The following NQO1 variants were observed in gnomAD, a reference collection of about 807,000 sequenced individuals.
The protein encoded by NQO1 is NAD(P)H quinone dehydrogenase 1.
NQO1 carries 30 observed loss-of-function variants against 32.1 expected under a neutral mutation model. The observed-to-expected ratio is 0.94, with a 90% CI of 0.70 to 1.27. NQO1 has a LOEUF of 1.27. Among genes scored for constraint, NQO1 ranks in the 50% most tolerant of loss-of-function variants. The pLI, the probability that NQO1 is intolerant of heterozygous loss-of-function variation, is 0.00. For missense variants in NQO1, 276 were observed against 331.3 expected (o/e 0.83, Z 1.30); for synonymous variants, 109 against 119.7 (o/e 0.91, Z 0.59).
intron 3 of NQO1, 180 bp downstream of exon 3, chr16:69,717,943 C>T: frequency 1.1e-6 from 1 of 939,706 alleles, no homozygotes; most frequent in Non-Finnish European, 1.6e-6. Flanking sequence ...AACAGTAATA[C>T]AGCCAGATTC....
At chr16:69,711,639 C>T (rs1179643395) in intron 5 of NQO1, among the ~76,000 whole-genome samples, 3 of 151,492 alleles carry the variant, frequency 2.0e-5, no homozygotes, top group African/African-American at 7.3e-5. Flanking sequence ...CTAGATGAGT[C>T]CTTTTTTTCT....
chr16:69,720,133 C>G (rs1202829622), intron 1 of NQO1, among the ~76,000 whole-genome samples: 1 of 152,062 alleles, frequency 6.6e-6, no homozygotes, highest in Non-Finnish European at 1.5e-5. Flanking sequence ...GTGGTGTATG[C>G]CTGTAGTCCC....
intron 4 of NQO1, among the ~76,000 whole-genome samples, chr16:69,714,534 C>T (rs1242995232): frequency 3.3e-5 from 5 of 151,890 alleles, no homozygotes; most frequent in Non-Finnish European, 7.4e-5. Flanking sequence ...CTTGATCATG[C>T]GTCTCTCCCG....
chr16:69,713,496 G>A (rs1018111798), intron 4 of NQO1, among the ~76,000 whole-genome samples: 1 of 152,148 alleles, frequency 6.6e-6, no homozygotes, highest in African/African-American at 2.4e-5. Context: ...CATCTGGAAG[G>A]TCTCGAAGGG....
At position 69,718,116 on chromosome 16, in the gene NQO1, C is replaced by G. The variant is rs2038138607; in HGVS notation, c.303+7G>C. The G allele has an allele frequency of 6.2e-7, 1 of 1,613,844 alleles. No homozygotes were observed. The highest frequency in any genetic ancestry group is 8.5e-7 in the Non-Finnish European group (1 of 1,179,890). On this transcript the variant is annotated splice_region_variant and intron_variant, in intron 3 of 5. Coordinates refer to ENST00000320623, the MANE Select transcript of NQO1 (RefSeq NM_000903.3). The stretch of plus-strand genomic sequence containing the variant: ...TCCCTGACACCCCTTCCGATGTCCC[C>G]CCATACCTGGAATATCACAAGGTCT...
chr16:69,719,269 A>G (rs1326043204), intron 1 of NQO1, among the ~76,000 whole-genome samples: 2 of 152,208 alleles, frequency 1.3e-5, no homozygotes, highest in Non-Finnish European at 2.9e-5. Context: ...ATGAGGCAGA[A>G]TCTCTTGAAA....
intron 1 of NQO1, among the ~76,000 whole-genome samples, chr16:69,723,167 C>A (rs1392690360): frequency 6.6e-6 from 1 of 152,192 alleles, no homozygotes; most frequent in East Asian, 1.9e-4. Context: ...TCGTGATCCG[C>A]CTGTCTCGGC....
At chr16:69,712,644 G>C (rs1381668994) in intron 5 of NQO1, among the ~76,000 whole-genome samples, 1 of 152,224 alleles carries the variant, frequency 6.6e-6, no homozygotes, top group Non-Finnish European at 1.5e-5. Flanking sequence ...TCTATTTTCA[G>C]ATGCTATCTT....
intron 1 of NQO1, among the ~76,000 whole-genome samples, chr16:69,721,961 C>A (rs1210165218): frequency 6.6e-6 from 1 of 151,974 alleles, no homozygotes; most frequent in Non-Finnish European, 1.5e-5. Context: ...CGTGATCACA[C>A]CACTGTACTC....
Position 69,718,196 on chromosome 16 carries a change from T to C in NQO1, c.230A>G (p.Lys77Arg). The C allele has an allele frequency of 6.2e-7, 1 of 1,614,174 alleles. No homozygotes were observed. The highest frequency in any genetic ancestry group is 8.5e-7 in the Non-Finnish European group (1 of 1,180,006). ...QYPAESVLAY[K>R]EGHLSPDIVA... ...AATATCTGGGCTCAGATGGCCTTCT[T>C]TATAAGCCAGAACAGACTCGGCAGG... The change falls in exon 3 of 6, where the codon AAA becomes AGA. Residue 77 changes from lysine to arginine, a missense_variant. By Grantham distance (26) the Lys-to-Arg change is conservative (BLOSUM62 2). Transcript: ENST00000320623.
intron 4 of NQO1, among the ~76,000 whole-genome samples, chr16:69,714,462 C>T (rs1187569712): frequency 1.3e-5 from 2 of 151,810 alleles, no homozygotes; most frequent in Non-Finnish European, 2.9e-5. Context: ...TGAGCCACTG[C>T]GCCCGGCCTC....
At chr16:69,726,348 T>A (rs1346151439) in intron 1 of NQO1, 85 bp downstream of exon 1, 2 of 1,555,790 alleles carry the variant, frequency 1.3e-6, no homozygotes, top group African/African-American at 1.4e-5. Context: ...GGAACAAAAT[T>A]CAGGGCCAAG....
At chr16:69,713,305 C>T (rs2038065879) in intron 4 of NQO1, among the ~76,000 whole-genome samples, 176 bp from the exon 5 acceptor site, 1 of 152,212 alleles carries the variant, frequency 6.6e-6, no homozygotes, top group Non-Finnish European at 1.5e-5. Context: ...GAGTGCCAGC[C>T]TAGATGGTCT....
intron 4 of NQO1, 75 bp from the exon 5 acceptor site, chr16:69,713,204 TC>T (rs2038064362): frequency 9.1e-7 from 1 of 1,100,138 alleles, no homozygotes. Flanking sequence ...ATGAAACAGC[TC>T]CAGGGAAAAG....
chr16:69,717,281 G>A (rs45560336), intron 3 of NQO1, among the ~76,000 whole-genome samples: 3 of 152,152 alleles, frequency 2.0e-5, no homozygotes, highest in Admixed American at 2.0e-4. Context: ...TCTGCTAAAC[G>A]GTAAGGCAGC....
At chr16:69,722,475 T>C (rs973014114) in intron 1 of NQO1, among the ~76,000 whole-genome samples, 1 of 152,110 alleles carries the variant, frequency 6.6e-6, no homozygotes, top group African/African-American at 2.4e-5. Context: ...CTGCAACTTT[T>C]TTGCACCATC....
In NQO1 at chr16:69,718,471, T is replaced by A. The variant is rs976842492; in HGVS notation, c.71A>T (p.Glu24Val). ...CTTCTTCAAAGCCGCTGCAGCAGCC[T>A]CCTTCATGGCATAGTTGAAGGACGT... ...ERTSFNYAMK[E>V]AAAAALKKKG... The change falls in exon 2 of 6, where the codon GAG becomes GTG. Residue 24 changes from glutamate to valine, a missense_variant. Glu to Val is a moderately radical substitution (Grantham distance 121). Transcript: ENST00000320623. 3 of 1,613,978 alleles carry A rather than the reference T, an allele frequency of 1.9e-6. No homozygotes were observed. In the Admixed American group the frequency reaches 5.0e-5, roughly 27 times the overall value.
chr16:69,718,032 A>T, intron 3 of NQO1, 91 bp downstream of exon 3: 1 of 1,518,008 alleles, frequency 6.6e-7, no homozygotes. Flanking sequence ...TAAAGTGGGT[A>T]ACTGTTTAAG....
Position 69,723,113 on chromosome 16 carries a change from C to T in NQO1, c.7+3320G>A, listed in dbSNP as rs552056094. ...CGGCTAATTGTATTTTTAGTAGAGA[C>T]GGGGTTTCACCGTGTTAGCCAGGAT... On this transcript the variant is annotated intron_variant, in intron 1 of 5. Transcript: ENST00000320623. 6.6e-5 allele frequency among the ~76,000 whole-genome samples: 10 copies of T among 152,240 alleles called. No homozygotes were observed. In the South Asian group the frequency reaches 1.2e-3, roughly 19 times the overall value.
Sources: gnomAD v4.1 joint callset for allele counts (sites outside exome capture counted in the v4.1 genomes callset) on GRCh38, gnomAD v4.1.1 for gene constraint, MANE v1.5 for transcripts, NCBI Gene and HGNC (gene_info 2026-07-23, HGNC 2026-07-21) for gene names.